The following CABLES2 variants were observed in gnomAD, a reference collection of about 807,000 sequenced individuals.
The protein encoded by CABLES2 is CDK5 and ABL1 enzyme substrate 2.
In CABLES2, 35 loss-of-function variants were observed where a neutral mutation model predicts 44.8. That is an observed-to-expected ratio of 0.78 (90% CI 0.60 to 1.04). The LOEUF (loss-of-function observed/expected upper bound fraction) is 1.04, where lower values mean the gene tolerates loss of function less well. Among genes scored for constraint, CABLES2 ranks in the 50% least tolerant of loss-of-function variants. The pLI, the probability that CABLES2 is intolerant of heterozygous loss-of-function variation, is 0.00. For missense variants in CABLES2, 566 were observed against 615.7 expected (o/e 0.92, Z 0.85); for synonymous variants, 282 against 281.1 (o/e 1.00, Z -0.03).
At chr20:62,393,168 C>A in intron 6 of CABLES2, 145 bp from the exon 7 acceptor site, 1 of 774,734 alleles carries the variant, frequency 1.3e-6, no homozygotes. Flanking sequence ...GGGCCCAGGG[C>A]TTAGGGCAAG....
intron 4 of CABLES2, 110 bp downstream of exon 4, chr20:62,394,827 G>A: frequency 1.0e-6 from 1 of 954,460 alleles, no homozygotes; most frequent in Non-Finnish European, 1.6e-6. Context: ...CCCGGGGGCA[G>A]CCGCACCTGG....
At position 62,391,206 on chromosome 20, in the gene CABLES2, T is replaced by C. The variant is rs1987909643; in HGVS notation, c.1296+43A>G. ...CATCCCAGCAGTGGCCCTGGCTCGA[T>C]GTCATGACCCTGCCTGCAGTGCCTG... On this transcript the variant is annotated intron_variant, in intron 9 of 9. Transcript: ENST00000279101. The surrounding 1 kb of genome is among the most constrained non-coding windows in gnomAD (Gnocchi z 5.7). 1.2e-6 allele frequency: 2 copies of C among 1,602,916 alleles called. No homozygotes were observed. Among genetic ancestry groups the C allele is most frequent in the Non-Finnish European group, 8.5e-7 (1 of 1,172,600 alleles).
At chr20:62,400,782 C>T (rs1163973145) in intron 1 of CABLES2, among the ~76,000 whole-genome samples, 3 of 152,036 alleles carry the variant, frequency 2.0e-5, no homozygotes, top group African/African-American at 7.2e-5. Flanking sequence ...ACGCTGCTGC[C>T]GGCTGGCCTG....
chr20:62,396,305 C>CGCTT lies in CABLES2; in HGVS notation c.527+6_527+9dup, dbSNP rs764116649. 1 of 1,612,370 alleles carries CGCTT rather than the reference C, an allele frequency of 6.2e-7. No homozygotes were observed. On this transcript the variant is annotated intron_variant, in intron 3 of 9. Coordinates refer to ENST00000279101, the MANE Select transcript of CABLES2 (RefSeq NM_031215.3). The surrounding 1 kb of genome is among the most constrained non-coding windows in gnomAD (Gnocchi z 5.7). Reference sequence around the variant, plus strand: ...ACAGCCCTGGCCCGGTTCCCGGCTCCGCTTCATACCTGCTGTTCCTGGTGT... The same window carrying CGCTT: ...ACAGCCCTGGCCCGGTTCCCGGCTCCGCTTGCTTCATACCTGCTGTTCCTGGTGT...
At chr20:62,393,740 C>T in intron 5 of CABLES2, 135 bp from the exon 6 acceptor site, 1 of 920,258 alleles carries the variant, frequency 1.1e-6, no homozygotes, top group Non-Finnish European at 1.6e-6. Flanking sequence ...TCAGATCAAG[C>T]CGTTGAGGCT....
intron 1 of CABLES2, among the ~76,000 whole-genome samples, chr20:62,399,593 CTTTT>C (rs71195455): frequency 9.3e-6 from 1 of 107,636 alleles, no homozygotes; most frequent in Non-Finnish European, 1.8e-5. Flanking sequence ...GGGTCAGGTC[CTTTT>C]TTTTTTTTTT....
At position 62,398,261 on chromosome 20, in the gene CABLES2, ATGGTGATGGCGGTGGTGGTGG is replaced by A. The variant is rs1452837941; in HGVS notation, c.363-1690_363-1670del. Among the ~76,000 whole-genome samples the A allele has an allele frequency of 1.4e-4, 9 of 63,252 alleles. No individual in the cohort carries two copies. The East Asian group carries it at 4.1e-3, about 29-fold the overall frequency. 41.5% of individuals were successfully genotyped at this position (63,252 alleles called of 152,430 possible). ...GGTGATGATGGTGATGGTGGTGGTGATGGTGATGGCGGTGGTGGTGGTGGTGATGGTGGCGATGGTGATGAC... is the reference window on the plus strand; with the variant it reads ...GGTGATGATGGTGATGGTGGTGGTGATGGTGATGGTGGCGATGGTGATGAC... On this transcript the variant is annotated intron_variant, in intron 1 of 9. Coordinates refer to ENST00000279101, the MANE Select transcript of CABLES2 (RefSeq NM_031215.3).
intron 1 of CABLES2, among the ~76,000 whole-genome samples, chr20:62,398,641 C>T (rs1988131446): frequency 6.6e-6 from 1 of 152,210 alleles, no homozygotes; most frequent in African/African-American, 2.4e-5. Flanking sequence ...TGCACTCAGG[C>T]CCCCTCTCTG....
chr20:62,398,193 A>ATGATGGTGATGGTGGTGG (rs756747098), intron 1 of CABLES2, among the ~76,000 whole-genome samples: 3,087 of 29,822 alleles, frequency 0.1, 129 homozygotes, highest in South Asian at 0.15. Flanking sequence ...GGTGATGGTG[A>ATGATGGTGATGGTGGTGG]TGATGGTGGT....
At chr20:62,398,330 A>G (rs1317862225) in intron 1 of CABLES2, among the ~76,000 whole-genome samples, 3 of 121,366 alleles carry the variant, frequency 2.5e-5, no homozygotes, top group Non-Finnish European at 3.5e-5. Context: ...AGTGGTGGTG[A>G]CGATGGTGGT....
chr20:62,393,882 G>A (rs986950692), intron 5 of CABLES2, among the ~76,000 whole-genome samples: 11 of 152,250 alleles, frequency 7.2e-5, no homozygotes, highest in African/African-American at 2.7e-4. Flanking sequence ...AGAGGCCAGA[G>A]GGTTGGCGAG....
At chr20:62,393,160 G>A in intron 6 of CABLES2, 137 bp from the exon 7 acceptor site, 1 of 800,670 alleles carries the variant, frequency 1.2e-6, no homozygotes, top group Non-Finnish European at 2.0e-6. Flanking sequence ...CTCCTGAAGG[G>A]CCCAGGGCTT....
chr20:62,405,766 A>G (rs1490824729), intron 1 of CABLES2: 1 of 152,182 alleles, frequency 6.6e-6, no homozygotes, highest in Non-Finnish European at 1.5e-5. Context: ...TTTGCTGCAC[A>G]CCTGCAGGGG....
chr20:62,399,967 A>C lies in CABLES2; in HGVS notation c.363-3375T>G, dbSNP rs1394525707. ...TGAAAAAGAACATGGTTGTAGGGGT[A>C]CCAAGTACAGTTTGAAGTCAGGAAC... On this transcript the variant is annotated intron_variant, in intron 1 of 9. Transcript: ENST00000279101. Among the ~76,000 whole-genome samples, 4 of 152,254 alleles carry C rather than the reference A, an allele frequency of 2.6e-5. No homozygotes were observed. In the East Asian group the frequency reaches 7.7e-4, roughly 29 times the overall value.
rs143762219 is a variant in CABLES2 at position 62,392,469 on chromosome 20, G to A, written c.1011C>T (p.Pro337=). Residue 337 remains proline (P), a synonymous_variant, in exon 8 of 10, where the codon CCC becomes CCT. Coordinates refer to ENST00000279101, the MANE Select transcript of CABLES2 (RefSeq NM_031215.3). ...CGTTCATGTCCTTTTTGAGGTCTGA[G>A]GGCTTCACGTATTCTATCACTGTGG... ...YMTTVIEYVK[P]SDLKKDMNET... 1,187 of 1,613,966 alleles carry A rather than the reference G, an allele frequency of 7.4e-4. 1 individual carries two copies. The highest frequency in any genetic ancestry group is 9.8e-4 in the Non-Finnish European group (1,151 of 1,179,976).
intron 1 of CABLES2, among the ~76,000 whole-genome samples, chr20:62,400,702 C>T (rs1040605933): frequency 3.3e-5 from 5 of 152,132 alleles, no homozygotes; most frequent in South Asian, 2.1e-4. Flanking sequence ...TGAGGCCCCG[C>T]GGCAGCCTGC....
rs1987948709 is a variant in CABLES2 at position 62,393,020 on chromosome 20, C to T, written c.884G>A (p.Ser295Asn). Reference sequence around the variant, plus strand: ...GTACTCCAGGGTGTCCCCCACGTCACTCCCTGTAAGAGAGGCAACCCCTGA... The same window carrying T: ...GTACTCCAGGGTGTCCCCCACGTCATTCCCTGTAAGAGAGGCAACCCCTGA... ...KSAPASTELGSDVGDTLEYNP... is the reference protein window; with the variant it reads ...KSAPASTELGNDVGDTLEYNP... The change falls in exon 7 of 10, where the codon AGT becomes AAT. Residue 295 changes from serine to asparagine, a missense_variant. Physicochemically the swap from Ser to Asn is conservative, Grantham distance 46 (BLOSUM62 1). This residue lies in a region of CABLES2 where 436 missense variants were observed against 536.3 expected (regional missense o/e 0.81). Transcript: ENST00000279101. The T allele has an allele frequency of 1.2e-6, 2 of 1,613,462 alleles. No individual in the cohort carries two copies. Among genetic ancestry groups the T allele is most frequent in the African/African-American group, 1.3e-5 (1 of 74,944 alleles).
chr20:62,406,854 G>A, intron 1 of CABLES2, 61 bp downstream of exon 1: 1 of 983,634 alleles, frequency 1.0e-6, no homozygotes. Context: ...GGGCTGATCC[G>A]GCCCCCGTCC....
Position 62,393,700 on chromosome 20 carries a change from G to A in CABLES2, c.715-95C>T. 3.0e-6 allele frequency: 4 copies of A among 1,351,466 alleles called. 1 individual carries two copies. The South Asian group carries it at 5.7e-5, about 19-fold the overall frequency. The allele number at this position is 1,351,466 out of a possible 1,614,324, so 83.7% of individuals were successfully genotyped here. On this transcript the variant is annotated intron_variant, in intron 5 of 9. Coordinates refer to ENST00000279101, the MANE Select transcript of CABLES2 (RefSeq NM_031215.3). ...CAGGAAGCCCAGACGCACATGCCAG[G>A]AGCCCTGCATGGAAAATGAAGGGAA...
Sources: allele counts gnomAD v4.1 joint callset (sites outside exome capture counted in the v4.1 genomes callset), GRCh38; gene constraint gnomAD v4.1.1; regional missense constraint gnomAD v4.1.1; non-coding constraint Gnocchi (gnomAD v3.1); transcripts MANE v1.5; gene names NCBI Gene and HGNC (gene_info 2026-07-23, HGNC 2026-07-21).